EXD3: variants seen among roughly 807,000 people sequenced by gnomAD.
EXD3 encodes exonuclease 3'-5' domain containing 3, also known as exonuclease mut-7 homolog.
Under a neutral mutation model 98.0 loss-of-function variants are expected in EXD3, and 92 were observed. The ratio of observed to expected loss-of-function variants is 0.94; its 90% CI spans 0.79 to 1.12. The LOEUF (loss-of-function observed/expected upper bound fraction) is 1.12, where lower values mean the gene tolerates loss of function less well. EXD3 is among the 50% of genes most tolerant of loss of function. The pLI is 0.00. For synonymous variants in EXD3, 569 were observed against 526.0 expected (o/e 1.08, Z -1.12); for missense variants, 1,222 against 1,191.6 (o/e 1.03, Z -0.38).
At chr9:137,314,644 C>T (rs1329760653) in intron 19 of EXD3, among the ~76,000 whole-genome samples, 1 of 152,116 alleles carries the variant, frequency 6.6e-6, no homozygotes, top group Non-Finnish European at 1.5e-5. Context: ...GGGCAGTTCC[C>T]ACGAACCCCA....
chr9:137,381,415 C>CAAAAAAAAAAAAAAA (rs61183889), intron 3 of EXD3, among the ~76,000 whole-genome samples: 1 of 50,848 alleles, frequency 2.0e-5, no homozygotes, highest in South Asian at 7.0e-4. Context: ...GACTCCTTCT[C>CAAAAAAAAAAAAAAA]AAAAAAAAAA....
At position 137,323,778 on chromosome 9, in the gene EXD3, G is replaced by A. The variant is rs558842728; in HGVS notation, c.2131C>T (p.Leu711Phe). 6.2e-7 allele frequency: 1 copy of A among 1,612,392 alleles called. No homozygotes were observed. Among genetic ancestry groups the A allele is most frequent in the East Asian group, 2.2e-5 (1 of 44,868 alleles). The change falls in exon 19 of 22, where the codon CTC (leucine) becomes TTC (phenylalanine). Residue 711 changes from leucine (L) to phenylalanine (F), a missense_variant. Transcript: ENST00000340951. ...LKAQQQAKAV[L>F]KHFNVRVTHA... ...GTGACACGCACGTTGAAATGCTTGA[G>A]CACAGCCTTGGCCTGCTGCTGGGCC...
chr9:137,341,018 G>A (rs996186815), intron 17 of EXD3, among the ~76,000 whole-genome samples: 4 of 152,172 alleles, frequency 2.6e-5, no homozygotes, highest in Non-Finnish European at 4.4e-5. Flanking sequence ...GTGGCATCAC[G>A]TAAAACTCAA....
At chr9:137,308,896 C>G (rs1406131412) in intron 20 of EXD3, among the ~76,000 whole-genome samples, 1 of 152,166 alleles carries the variant, frequency 6.6e-6, no homozygotes, top group African/African-American at 2.4e-5. Context: ...CTGCCCGCCT[C>G]GGCCTCCCAA....
chr9:137,325,621 C>T (rs113398765), intron 17 of EXD3, among the ~76,000 whole-genome samples: 1 of 151,926 alleles, frequency 6.6e-6, no homozygotes, highest in East Asian at 1.9e-4. Flanking sequence ...TTAGTAGAGA[C>T]GGGGTTTCTC....
At chr9:137,339,273 G>A (rs931006686) in intron 17 of EXD3, among the ~76,000 whole-genome samples, 3 of 151,942 alleles carry the variant, frequency 2.0e-5, no homozygotes, top group African/African-American at 7.3e-5. Flanking sequence ...AAAAAAGAGG[G>A]AAAACTTCCC....
intron 1 of EXD3, among the ~76,000 whole-genome samples, chr9:137,411,367 TG>T (rs1837988971): frequency 6.6e-6 from 1 of 151,934 alleles, no homozygotes; most frequent in Non-Finnish European, 1.5e-5. Context: ...TGAGGCAGGA[TG>T]GGGGGCAGCC....
intron 1 of EXD3, among the ~76,000 whole-genome samples, chr9:137,396,082 C>G (rs1463073242): frequency 6.6e-6 from 1 of 152,120 alleles, no homozygotes; most frequent in African/African-American, 2.4e-5. Flanking sequence ...ATTCTCCTGC[C>G]TCAGCCTCCC....
At chr9:137,314,773 G>A (rs1588223857) in intron 19 of EXD3, among the ~76,000 whole-genome samples, 2 of 152,290 alleles carry the variant, frequency 1.3e-5, no homozygotes, top group South Asian at 2.1e-4. Context: ...CCTGGGGGTC[G>A]GGACAACTGG....
intron 19 of EXD3, among the ~76,000 whole-genome samples, chr9:137,316,384 C>T (rs904682038): frequency 9.2e-5 from 14 of 152,024 alleles, no homozygotes; most frequent in African/African-American, 3.4e-4. Flanking sequence ...GCCGAGACAC[C>T]CTCCTTCCCA....
At chr9:137,400,747 A>G (rs1161285620) in intron 1 of EXD3, among the ~76,000 whole-genome samples, 5 of 151,770 alleles carry the variant, frequency 3.3e-5, no homozygotes, top group African/African-American at 1.2e-4. Context: ...CCTGGGCAAC[A>G]GAGCGAGACT....
rs575392225 is a variant in EXD3 at position 137,346,208 on chromosome 9, C to T, written c.1998+1863G>A. Among the ~76,000 whole-genome samples, 255 of 102,138 alleles carry T rather than the reference C, an allele frequency of 2.5e-3. 1 individual carries two copies. Among genetic ancestry groups the T allele is most frequent in the African/African-American group, 0.01 (229 of 22,900 alleles). 67.0% of individuals were successfully genotyped at this position (102,138 alleles called of 152,430 possible). A position where few individuals can be genotyped will look rare whatever the true frequency, so the allele number is the denominator to read the frequency against. ...GAGCCGAGATCGCACCACTGCACTC[C>T]GGGCTGGGAGACAGAGCAAGACTCC... On this transcript the variant is annotated intron_variant, in intron 17 of 21. Transcript: ENST00000340951.
intron 5 of EXD3, among the ~76,000 whole-genome samples, chr9:137,372,220 G>T (rs1391103817): frequency 6.6e-6 from 1 of 152,224 alleles, no homozygotes; most frequent in Non-Finnish European, 1.5e-5. Flanking sequence ...AGCCAGTGAA[G>T]GGTTGGATAC....
chr9:137,355,001 G>A (rs950773940), intron 8 of EXD3, among the ~76,000 whole-genome samples: 2 of 152,096 alleles, frequency 1.3e-5, no homozygotes, highest in Non-Finnish European at 2.9e-5. Context: ...TGTGTGGCGG[G>A]CCCTTTCGTC....
chr9:137,421,966 T>G (rs980945850), intron 1 of EXD3, among the ~76,000 whole-genome samples: 3 of 152,324 alleles, frequency 2.0e-5, no homozygotes, highest in Middle Eastern at 3.4e-3. Context: ...GTCCTATGTG[T>G]TACTTCTGAG....
chr9:137,342,722 GCAGC>G (rs1833710899), intron 17 of EXD3, among the ~76,000 whole-genome samples: 1 of 152,210 alleles, frequency 6.6e-6, no homozygotes, highest in Admixed American at 6.5e-5. Context: ...TCCCAGCCTT[GCAGC>G]CAGGCCTTTC....
intron 17 of EXD3, among the ~76,000 whole-genome samples, chr9:137,327,221 C>G (rs1169069317): frequency 6.6e-6 from 1 of 151,544 alleles, no homozygotes; most frequent in East Asian, 1.9e-4. Flanking sequence ...GCAAGTTCTG[C>G]CTCCCGGGTT....
Position 137,373,032 on chromosome 9 carries a change from T to G in EXD3, c.335A>C (p.Lys112Thr). The change falls in exon 5 of 22, where the codon AAA becomes ACA. Residue 112 changes from lysine (K) to threonine (T), a missense_variant. Lys to Thr is a moderately conservative substitution (Grantham distance 78). Transcript: ENST00000340951. ...RLKQLQARAV[K>T]VLTESPPSLA... ...GCTGGGGGGGCTCTCAGTGAGGACT[T>G]TGACCGCTCGGGCCTGCAGCTGCTT... 1 of 1,602,370 alleles carries G rather than the reference T, an allele frequency of 6.2e-7. No homozygotes were observed.
chr9:137,342,380 C>T (rs1321945495), intron 17 of EXD3, among the ~76,000 whole-genome samples: 2 of 148,402 alleles, frequency 1.3e-5, no homozygotes, highest in African/African-American at 2.5e-5. Flanking sequence ...CACCAGGAGC[C>T]GTCTCCCAGG....
Sources: allele counts gnomAD v4.1 joint callset (sites outside exome capture counted in the v4.1 genomes callset), GRCh38; gene constraint gnomAD v4.1.1; transcripts MANE v1.5; gene names NCBI Gene and HGNC (gene_info 2026-07-23, HGNC 2026-07-21).